The following TREH variants were observed in gnomAD, a reference collection of about 807,000 sequenced individuals.
TREH encodes trehalase.
A neutral mutation model predicts 80.5 loss-of-function variants in TREH; 69 were observed. The ratio of observed to expected loss-of-function variants is 0.86; its 90% confidence interval spans 0.71 to 1.05. TREH has a LOEUF of 1.05. TREH is among the 50% of genes least tolerant of loss of function. The pLI is 0.00. For synonymous variants in TREH, 309 were observed against 293.5 expected (o/e 1.05, Z -0.54); for missense variants, 716 against 718.8 (o/e 1.00, Z 0.04).
At chr11:118,662,286 A>G (rs1424786728) in intron 4 of TREH, among the ~76,000 whole-genome samples, 2 of 58,430 alleles carry the variant, frequency 3.4e-5, no homozygotes, top group African/African-American at 6.9e-5. Context: ...CATTACGAAG[A>G]CCCAGGGTGG....
intron 1 of TREH, among the ~76,000 whole-genome samples, chr11:118,664,025 C>T (rs567581177): frequency 1.3e-5 from 2 of 152,226 alleles, no homozygotes; most frequent in Non-Finnish European, 2.9e-5. Context: ...GAAGGCAGTG[C>T]CCAGAAGAGT....
chr11:118,665,715 G>C (rs1555145617), intron 1 of TREH, among the ~76,000 whole-genome samples: 1 of 152,230 alleles, frequency 6.6e-6, no homozygotes, highest in Non-Finnish European at 1.5e-5. Flanking sequence ...GCCTGATGGG[G>C]TGTGTTGTGG....
intron 1 of TREH, among the ~76,000 whole-genome samples, chr11:118,672,139 C>T (rs551069962): frequency 6.6e-6 from 1 of 152,308 alleles, no homozygotes; most frequent in Admixed American, 6.5e-5. Flanking sequence ...GTGGCTCACG[C>T]CTGTAATCCC....
chr11:118,659,826 TA>T lies in TREH; in HGVS notation c.1240del (p.Tyr414ThrfsTer23). The T allele has an allele frequency of 6.4e-7, 1 of 1,571,968 alleles. No homozygotes were observed. The highest frequency in any genetic ancestry group is 2.3e-5 in the East Asian group (1 of 42,764). On this transcript the variant is annotated frameshift_variant, in exon 11 of 15. Transcript: ENST00000264029. LOFTEE classifies it high-confidence loss of function. ...LEKKKKNREF[Y>X]PSNLTPLWAG... ...CCAGAGTGGAGTGAGGTTGGATGGG[TA>T]AAACTCCCGGTTTTTCTTCTTCTTC...
intron 1 of TREH, among the ~76,000 whole-genome samples, chr11:118,672,631 A>T (rs530710285): frequency 6.7e-6 from 1 of 148,544 alleles, no homozygotes; most frequent in East Asian, 2.0e-4. Flanking sequence ...GAATTGCTTG[A>T]ACCCAGGAAA....
In TREH at chr11:118,659,876, TCCGGTCTGCTCATCCCA is replaced by T. The variant is rs1405508031; in HGVS notation, c.1174_1190del (p.Trp392SerfsTer8). On this transcript the variant is annotated frameshift_variant, in exon 11 of 15. Transcript: ENST00000264029. LOFTEE classifies it high-confidence loss of function. ...TCTCAAGGTCGTAATCGAACCAGGC[TCCGGTCTGCTCATCCCA>T]CAGGACTGTGTTCAGGGCGGCCAAG... 6.4e-7 allele frequency: 1 copy of T among 1,551,936 alleles called. No individual in the cohort carries two copies. The highest frequency in any genetic ancestry group is 8.7e-7 in the Non-Finnish European group (1 of 1,147,154).
At chr11:118,677,124 A>AG (rs1342183590) in intron 1 of TREH, among the ~76,000 whole-genome samples, 15 of 152,252 alleles carry the variant, frequency 9.9e-5, no homozygotes, top group African/African-American at 3.6e-4. Context: ...GATTTGTGGC[A>AG]GGGGCCTTTG....
chr11:118,668,013 TACC>T (rs1949394212), intron 1 of TREH, among the ~76,000 whole-genome samples: 2 of 151,996 alleles, frequency 1.3e-5, no homozygotes, highest in African/African-American at 4.8e-5. Flanking sequence ...TACAGGCGTG[TACC>T]ACCACACCCA....
rs1591829585 is a variant in TREH at position 118,661,296 on chromosome 11, G to A, written c.735-14C>T. On this transcript the variant is annotated splice_polypyrimidine_tract_variant and intron_variant, in intron 7 of 14. Coordinates refer to ENST00000264029, the MANE Select transcript of TREH (RefSeq NM_007180.3). This position sits in a 1 kb window ranked among gnomAD's most constrained non-coding sequence, Gnocchi z 4.2. ...TCAATGTTTTCCCTGGAGTGAAGCA[G>A]ACAACACCTCAGCCCAGGCGTGCTG... 6.2e-7 allele frequency: 1 copy of A among 1,613,994 alleles called. No homozygotes were observed.
chr11:118,668,561 CAAAAAAAAA>C (rs35085066), intron 1 of TREH, among the ~76,000 whole-genome samples: 2 of 47,868 alleles, frequency 4.2e-5, no homozygotes, highest in African/African-American at 1.0e-4. Context: ...GACTCTGTCT[CAAAAAAAAA>C]AAAAAAAAAA....
At chr11:118,675,913 G>A (rs1260932223) in intron 1 of TREH, among the ~76,000 whole-genome samples, 2 of 152,160 alleles carry the variant, frequency 1.3e-5, no homozygotes, top group African/African-American at 4.8e-5. Context: ...ATGTTGGCCA[G>A]GCTGCTCTCA....
At position 118,658,404 on chromosome 11, in the gene TREH, A is replaced by G. The variant is rs1949244899; in HGVS notation, c.1637T>C (p.Leu546Pro). 1 of 1,611,146 alleles carries G rather than the reference A, an allele frequency of 6.2e-7. No individual in the cohort carries two copies. The highest frequency in any genetic ancestry group is 1.3e-5 in the African/African-American group (1 of 74,856). ...FGWTNGVVLM[L>P]LDRYGDRLTS... is the part of the protein sequence containing the mutation. ...CAGCCGGTCACCATAGCGGTCCAGC[A>G]GCATCAGGACCACGCCATTCGTCCA... is the stretch of plus-strand genomic sequence containing the variant. The change falls in exon 15 of 15, where the codon CTG becomes CCG. Residue 546 changes from leucine to proline, a missense_variant. Leu to Pro is a moderately conservative substitution (Grantham distance 98, BLOSUM62 -3). Coordinates refer to ENST00000264029, the MANE Select transcript of TREH (RefSeq NM_007180.3).
In TREH at chr11:118,661,222, A is replaced by G; in HGVS notation, c.795T>C (p.Ser265=). The G allele has an allele frequency of 6.2e-7, 1 of 1,614,008 alleles. No homozygotes were observed. The highest frequency in any genetic ancestry group is 8.5e-7 in the Non-Finnish European group (1 of 1,179,884). The part of the protein sequence containing the change: ...LDFWTKNRTV[S]VSLEGKNYLL... Reference sequence around the variant, plus strand: ...GGTAGTTCTTTCCCTCCAAGCTCACAGAGACAGTCCTGTTCTTGGTCCAAA... The same window carrying G: ...GGTAGTTCTTTCCCTCCAAGCTCACGGAGACAGTCCTGTTCTTGGTCCAAA... Residue 265 remains serine (S), a synonymous_variant, in exon 8 of 15, where the codon TCT becomes TCC. Coordinates refer to ENST00000264029, the MANE Select transcript of TREH (RefSeq NM_007180.3). This position sits in a 1 kb window ranked among gnomAD's most constrained non-coding sequence, Gnocchi z 4.2.
Position 118,661,626 on chromosome 11 carries a change from G to GC in TREH, c.617+10dup. 2 of 1,613,828 alleles carry GC rather than the reference G, an allele frequency of 1.2e-6. No homozygotes were observed. The highest frequency in any genetic ancestry group is 2.2e-5 in the East Asian group (1 of 44,884). ...TCCCCACCTAGGCTGGAGGTGCCTG[G>GC]CCCCCCTCACGTTTTCACCAGGTCC... On this transcript the variant is annotated intron_variant, in intron 6 of 14. Coordinates refer to ENST00000264029, the MANE Select transcript of TREH (RefSeq NM_007180.3). This position sits in a 1 kb window ranked among gnomAD's most constrained non-coding sequence, Gnocchi z 4.2.
At chr11:118,669,864 T>C (rs1366718360) in intron 1 of TREH, among the ~76,000 whole-genome samples, 12 of 152,184 alleles carry the variant, frequency 7.9e-5, no homozygotes, top group Admixed American at 1.3e-4. Flanking sequence ...TATAATCAGA[T>C]TGTTTGTAAC....
intron 12 of TREH, 150 bp downstream of exon 12, chr11:118,659,220 A>G (rs544522524): frequency 1.2e-5 from 10 of 823,818 alleles, no homozygotes; most frequent in Middle Eastern, 2.5e-4. Flanking sequence ...CTGGGTGGAC[A>G]TAAGTGTCAA....
Position 118,658,233 on chromosome 11 carries a change from C to A in TREH, c.*56G>T. 1 of 1,536,636 alleles carries A rather than the reference C, an allele frequency of 6.5e-7. No homozygotes were observed. The highest frequency in any genetic ancestry group is 8.8e-7 in the Non-Finnish European group (1 of 1,138,638). On this transcript the variant is annotated 3_prime_UTR_variant, in exon 15 of 15. Coordinates refer to ENST00000264029, the MANE Select transcript of TREH (RefSeq NM_007180.3). Reference sequence around the variant, plus strand: ...ATGAAGAGGCAGGGGAAGGCAGGAACTGGTGCAGAGGTTTAATGGGGCAGG... The same window carrying A: ...ATGAAGAGGCAGGGGAAGGCAGGAAATGGTGCAGAGGTTTAATGGGGCAGG...
rs1555145106 is a variant in TREH at position 118,661,973 on chromosome 11, G to A, written c.441C>T (p.Leu147=). ...TGAGAGAGAACCGCTCAGGGTGGCT[G>A]AGAACCTCTGGCTTCATCTGGAGTC... The part of the protein sequence containing the change: ...KLGKKMKPEV[L]SHPERFSLIY... Residue 147 remains leucine, a synonymous_variant, in exon 5 of 15, where the codon CTC becomes CTT. Transcript: ENST00000264029. This position sits in a 1 kb window ranked among gnomAD's most constrained non-coding sequence, Gnocchi z 4.2. 1.9e-6 allele frequency: 3 copies of A among 1,553,492 alleles called. No individual in the cohort carries two copies. Among genetic ancestry groups the A allele is most frequent in the Non-Finnish European group, 2.6e-6 (3 of 1,148,066 alleles).
At chr11:118,668,371 C>G (rs1437671798) in intron 1 of TREH, among the ~76,000 whole-genome samples, 10 of 151,320 alleles carry the variant, frequency 6.6e-5, no homozygotes, top group Non-Finnish European at 1.2e-4. Context: ...ACTAGCAAAC[C>G]TTGGCTAGGC....
Sources: gnomAD v4.1 joint callset for allele counts (sites outside exome capture counted in the v4.1 genomes callset) on GRCh38, gnomAD v4.1.1 for gene constraint, Gnocchi (gnomAD v3.1) non-coding constraint, MANE v1.5 for transcripts, NCBI Gene and HGNC (gene_info 2026-07-23, HGNC 2026-07-21) for gene names.